CEP170: variants seen among roughly 807,000 people sequenced by gnomAD.
The protein encoded by CEP170 is centrosomal protein of 170 kDa.
Under a neutral mutation model 151.9 loss-of-function variants are expected in CEP170, and 21 were observed. The ratio of observed to expected loss-of-function variants is 0.14; its 90% CI spans 0.10 to 0.20. The LOEUF (loss-of-function observed/expected upper bound fraction) is 0.20. CEP170 is among the 10% of genes least tolerant of loss of function. The pLI is 1.00. For synonymous variants in CEP170, 356 were observed against 648.8 expected (o/e 0.55, Z 6.86); for missense variants, 964 against 1,892.9 (o/e 0.51, Z 9.11).
At chr1:243,143,071 T>C (rs1054459602) in intron 14 of CEP170, among the ~76,000 whole-genome samples, 2 of 151,950 alleles carry the variant, frequency 1.3e-5, no homozygotes, top group Non-Finnish European at 2.9e-5. Flanking sequence ...AAATTACTCT[T>C]ACTTTCAAAT....
intron 18 of CEP170, chr1:243,128,697 G>A (rs1391187617): frequency 6.4e-6 from 1 of 156,746 alleles, no homozygotes; most frequent in Non-Finnish European, 1.4e-5. Context: ...CCCCAAAGGA[G>A]TTGGGATGAT....
chr1:243,152,332 T>C (rs1010117750), intron 14 of CEP170, among the ~76,000 whole-genome samples: 9 of 148,716 alleles, frequency 6.1e-5, no homozygotes, highest in South Asian at 2.2e-4. Flanking sequence ...CGCCATTCTC[T>C]TGCCTCAGCC....
intron 1 of CEP170, among the ~76,000 whole-genome samples, chr1:243,245,476 G>A (rs1044618820): frequency 4.6e-5 from 7 of 152,090 alleles, no homozygotes; most frequent in Non-Finnish European, 8.8e-5. Context: ...AGCACTTTGG[G>A]AGGCCAAGGT....
rs756652702 is a variant in CEP170, at chr1:243,186,327, G to A, written c.1204C>T (p.Arg402Cys). ...KRATLEEHLRRHHSEHKKLQK... is the reference protein window; with the variant it reads ...KRATLEEHLRCHHSEHKKLQK... ...AGCTTTTTGTGTTCTGAATGGTGGC[G>A]TCTTAAGTGTTCCTCAAGAGTTGCA... The change falls in exon 9 of 20, where the codon CGC (arginine) becomes TGC (cysteine). Residue 402 changes from arginine (R) to cysteine (C), a missense_variant. Physicochemically the swap from Arg to Cys is radical, Grantham distance 180. Coordinates refer to ENST00000366542, the MANE Select transcript of CEP170 (RefSeq NM_014812.3). 6.5e-5 allele frequency: 105 copies of A among 1,613,596 alleles called. No homozygotes were observed. The highest frequency in any genetic ancestry group is 3.1e-4 in the African/African-American group (23 of 74,906).
chr1:243,152,520 C>CTTTTTTT (rs1558429307), intron 14 of CEP170, among the ~76,000 whole-genome samples: 7 of 63,486 alleles, frequency 1.1e-4, no homozygotes, highest in Non-Finnish European at 9.4e-5. Context: ...CGCGCCCAGC[C>CTTTTTTT]ATTTTTTTTT....
rs568727272 is a variant in CEP170, at chr1:243,173,531, T to A, written c.1567-685A>T. On this transcript the variant is annotated intron_variant, in intron 10 of 19. Coordinates refer to ENST00000366542, the MANE Select transcript of CEP170 (RefSeq NM_014812.3). Reference sequence around the variant, plus strand: ...CGAGCAGATCACTTGAGGTCAGGAGTTCCGGACCAGCCTGGCCAACATGGT... The same window carrying A: ...CGAGCAGATCACTTGAGGTCAGGAGATCCGGACCAGCCTGGCCAACATGGT... Among the ~76,000 whole-genome samples, 188 of 150,528 alleles carry A rather than the reference T, an allele frequency of 1.2e-3. 2 individuals carry two copies. The highest frequency in any genetic ancestry group is 4.4e-3 in the African/African-American group (180 of 41,058).
intron 10 of CEP170, among the ~76,000 whole-genome samples, chr1:243,180,018 A>G (rs1327683126): frequency 6.6e-6 from 1 of 152,178 alleles, no homozygotes; most frequent in Non-Finnish European, 1.5e-5. Flanking sequence ...AGTTACAGAG[A>G]TGGATGGCGG....
chr1:243,247,731 G>A (rs754430203), intron 1 of CEP170, among the ~76,000 whole-genome samples: 2 of 152,134 alleles, frequency 1.3e-5, no homozygotes, highest in African/African-American at 2.4e-5. Flanking sequence ...ACTGCCTATC[G>A]GGATAGAGTG....
chr1:243,217,030 T>C (rs1558618720), intron 3 of CEP170, among the ~76,000 whole-genome samples: 1 of 152,216 alleles, frequency 6.6e-6, no homozygotes, highest in African/African-American at 2.4e-5. Context: ...CAAACCTAGA[T>C]AGTATAGCCT....
intron 13 of CEP170, among the ~76,000 whole-genome samples, chr1:243,159,674 T>C (rs1016904428): frequency 2.0e-5 from 3 of 152,086 alleles, no homozygotes; most frequent in African/African-American, 7.2e-5. Context: ...GAAATCAAAG[T>C]ATAAGCCAGG....
chr1:243,157,211 C>T (rs578219699), intron 13 of CEP170, among the ~76,000 whole-genome samples: 5 of 152,306 alleles, frequency 3.3e-5, no homozygotes, highest in African/African-American at 1.2e-4. Context: ...ACAGGAGATA[C>T]TGTGAAGAGT....
chr1:243,178,157 C>T (rs1411487847), intron 10 of CEP170, among the ~76,000 whole-genome samples: 1 of 151,642 alleles, frequency 6.6e-6, no homozygotes, highest in East Asian at 1.9e-4. Flanking sequence ...GGCAAAACCC[C>T]ATCTATACTA....
At chr1:243,172,426 G>A (rs2148619181) in intron 11 of CEP170, among the ~76,000 whole-genome samples, 1 of 152,306 alleles carries the variant, frequency 6.6e-6, no homozygotes, top group Middle Eastern at 3.4e-3. Context: ...CTTGAGGTCA[G>A]GAGTTCGAGA....
rs1364139117 is a variant in CEP170, at chr1:243,185,107, C to T, written c.1566+672G>A. On this transcript the variant is annotated intron_variant, in intron 10 of 19. Coordinates refer to ENST00000366542, the MANE Select transcript of CEP170 (RefSeq NM_014812.3). This position sits in a 1 kb window ranked among gnomAD's most constrained non-coding sequence, Gnocchi z 4.9. ...CAACCTTTCACGACCATTGGCAAAA[C>T]TGAGAAAAATTGCTTTTTAAACCAT... 3.3e-5 allele frequency among the ~76,000 whole-genome samples: 5 copies of T among 152,180 alleles called. No homozygotes were observed. The South Asian group carries it at 6.2e-4, about 19-fold the overall frequency.
rs1336372122 is a variant in CEP170 at position 243,189,939 on chromosome 1, AT to A, written c.1108+1078del. On this transcript the variant is annotated intron_variant, in intron 8 of 19. Coordinates refer to ENST00000366542, the MANE Select transcript of CEP170 (RefSeq NM_014812.3). ...CTGATAACTATAATTAAATATTGTGATAGGCTCCAACAAATAATTAGGTAAT... is the reference window on the plus strand; with the variant it reads ...CTGATAACTATAATTAAATATTGTGAAGGCTCCAACAAATAATTAGGTAAT... 1.6e-4 allele frequency among the ~76,000 whole-genome samples: 24 copies of A among 152,314 alleles called. 1 individual carries two copies. Among genetic ancestry groups the A allele is most frequent in the African/African-American group, 5.5e-4 (23 of 41,592 alleles).
At chr1:243,247,562 C>T (rs2065533887) in intron 1 of CEP170, among the ~76,000 whole-genome samples, 1 of 152,144 alleles carries the variant, frequency 6.6e-6, no homozygotes, top group Non-Finnish European at 1.5e-5. Flanking sequence ...CCATGTTGGC[C>T]AGGCTGGTCT....
At chr1:243,193,581 A>G (rs2060452818) in intron 7 of CEP170, among the ~76,000 whole-genome samples, 2 of 152,102 alleles carry the variant, frequency 1.3e-5, no homozygotes, top group South Asian at 4.1e-4. Context: ...GAAGGTCACC[A>G]TTCCCATGTT....
chr1:243,171,703 T>G (rs1252236684), intron 11 of CEP170, among the ~76,000 whole-genome samples: 7 of 152,184 alleles, frequency 4.6e-5, no homozygotes, highest in African/African-American at 9.6e-5. Context: ...CTGATAAAGG[T>G]AAAAAACATT....
chr1:243,245,730 C>G (rs904369032), intron 1 of CEP170, among the ~76,000 whole-genome samples: 7 of 150,532 alleles, frequency 4.7e-5, no homozygotes, highest in Admixed American at 4.6e-4. Context: ...ACAAAACAAA[C>G]AAACAAAAAA....
Sources: gnomAD v4.1 joint callset for allele counts (sites outside exome capture counted in the v4.1 genomes callset) on GRCh38, gnomAD v4.1.1 for gene constraint, Gnocchi (gnomAD v3.1) non-coding constraint, MANE v1.5 for transcripts, NCBI Gene and HGNC (gene_info 2026-07-23, HGNC 2026-07-21) for gene names.